SEC24D: variants seen among roughly 807,000 people sequenced by gnomAD.
The protein encoded by SEC24D is protein transport protein Sec24D.
A neutral mutation model predicts 116.9 loss-of-function variants in SEC24D; 69 were observed. That is an observed-to-expected ratio of 0.59 (90% confidence interval 0.49 to 0.72). SEC24D has a LOEUF of 0.72. Ranked by LOEUF, SEC24D falls within the 30% of genes least tolerant of loss-of-function variation. The pLI, the probability that SEC24D is intolerant of heterozygous loss-of-function variation, is 0.00. For synonymous variants in SEC24D, 405 were observed against 442.8 expected (o/e 0.91, Z 1.07); for missense variants, 1,131 against 1,264.1 (o/e 0.89, Z 1.60).
In SEC24D at chr4:118,739,235, T is replaced by C. The variant is rs1348596950; in HGVS notation, c.2291A>G (p.Asn764Ser). The C allele has an allele frequency of 6.2e-7, 1 of 1,613,584 alleles. No homozygotes were observed. The highest frequency in any genetic ancestry group is 2.2e-5 in the East Asian group (1 of 44,874). ...ISGQRRLRIH[N>S]LGLNCSSQLA... ...CTGAGAGCTGCAGTTTAAGCCAAGA[T>C]TGTGAATCCGAAGTCTTCTTTGACC... Residue 764 changes from asparagine (N) to serine (S), a missense_variant, in exon 18 of 23, where the codon AAT (asparagine) becomes AGT (serine). Transcript: ENST00000280551.
chr4:118,816,499 C>T (rs1470358839), intron 4 of SEC24D, among the ~76,000 whole-genome samples: 6 of 152,110 alleles, frequency 3.9e-5, no homozygotes, highest in Non-Finnish European at 7.4e-5. Flanking sequence ...AAGAGAAGGG[C>T]CACCAACATG....
chr4:118,810,573 T>C (rs555721167), intron 6 of SEC24D, among the ~76,000 whole-genome samples: 1 of 152,198 alleles, frequency 6.6e-6, no homozygotes, highest in Non-Finnish European at 1.5e-5. Context: ...GAGTGGTGCT[T>C]TGCACACTTT....
rs563146285 is a variant in SEC24D, at chr4:118,724,224, G to C, written c.2959-569C>G. 7.2e-5 allele frequency among the ~76,000 whole-genome samples: 11 copies of C among 152,242 alleles called. No individual in the cohort carries two copies. In the East Asian group the frequency reaches 1.9e-3, roughly 27 times the overall value. On this transcript the variant is annotated intron_variant, in intron 22 of 22. Transcript: ENST00000280551. ...TGGGAGATGATCAGGTTCTGAATTAGAGCAGTGGAGGTGGAAAGGGGGTAG... is the reference window on the plus strand; with the variant it reads ...TGGGAGATGATCAGGTTCTGAATTACAGCAGTGGAGGTGGAAAGGGGGTAG...
intron 19 of SEC24D, among the ~76,000 whole-genome samples, chr4:118,737,488 G>C (rs749775718): frequency 2.0e-5 from 3 of 152,118 alleles, no homozygotes; most frequent in Admixed American, 2.0e-4. Context: ...TTTACTTTTA[G>C]GTGGGGCTTC....
intron 8 of SEC24D, among the ~76,000 whole-genome samples, chr4:118,788,847 C>G (rs146252148): frequency 6.6e-6 from 1 of 152,264 alleles, no homozygotes; most frequent in East Asian, 1.9e-4. Flanking sequence ...ACAAATCAAC[C>G]ACCATTCTGT....
At chr4:118,751,176 C>CTTTTTTTT (rs1185148886) in intron 13 of SEC24D, among the ~76,000 whole-genome samples, 25 of 100,330 alleles carry the variant, frequency 2.5e-4, no homozygotes, top group South Asian at 7.9e-4. Flanking sequence ...AGAGTGAGGG[C>CTTTTTTTT]TTTTTTTTTT....
intron 9 of SEC24D, 99 bp from the exon 10 acceptor site, chr4:118,765,016 T>TCTGGAAAAATGTATTTTAAAG (rs1727575088): frequency 1.0e-5 from 7 of 688,738 alleles, no homozygotes; most frequent in Non-Finnish European, 1.5e-5. Flanking sequence ...GGAGTTAGTA[T>TCTGGAAAAATGTATTTTAAAG]CTGGAAAAAT....
At chr4:118,765,046 T>C (rs975948252) in intron 9 of SEC24D, 129 bp from the exon 10 acceptor site, 1 of 604,032 alleles carries the variant, frequency 1.7e-6, no homozygotes, top group Non-Finnish European at 2.9e-6. Flanking sequence ...AGCTGGAATG[T>C]AGTATACCGT....
intron 9 of SEC24D, among the ~76,000 whole-genome samples, chr4:118,765,742 T>G (rs1727611561): frequency 6.6e-6 from 1 of 152,146 alleles, no homozygotes; most frequent in Admixed American, 6.6e-5. Flanking sequence ...GCTTCTTGTT[T>G]TTAAGCCAAC....
At chr4:118,794,155 T>C (rs1729072176) in intron 8 of SEC24D, among the ~76,000 whole-genome samples, 1 of 152,208 alleles carries the variant, frequency 6.6e-6, no homozygotes, top group African/African-American at 2.4e-5. Flanking sequence ...ATGTATAAAA[T>C]GCGTATATGC....
Position 118,783,069 on chromosome 4 carries a change from C to T in SEC24D, c.1041+14614G>A, listed in dbSNP as rs1015716208. Among the ~76,000 whole-genome samples, 3 of 152,308 alleles carry T rather than the reference C, an allele frequency of 2.0e-5. No individual in the cohort carries two copies. The East Asian group carries it at 5.8e-4, about 29-fold the overall frequency. ...GACCCCTTGGGCTTCCCGGGTGAGG[C>T]GACGCCCCGCCCTGCTTTGGCTCAC... On this transcript the variant is annotated intron_variant, in intron 8 of 22. Coordinates refer to ENST00000280551, the MANE Select transcript of SEC24D (RefSeq NM_014822.4).
At position 118,744,183 on chromosome 4, in the gene SEC24D, G is replaced by A. The variant is rs1258195801; in HGVS notation, c.1825-25C>T. 3.3e-6 allele frequency: 5 copies of A among 1,492,944 alleles called. No homozygotes were observed. In the East Asian group the frequency reaches 7.4e-5, roughly 22 times the overall value. 92.5% of individuals were successfully genotyped at this position (1,492,944 alleles called of 1,614,324 possible). On this transcript the variant is annotated intron_variant, in intron 14 of 22. Coordinates refer to ENST00000280551, the MANE Select transcript of SEC24D (RefSeq NM_014822.4). Reference sequence around the variant, plus strand: ...TCTGGAAAAAAGATGCAAAAAAAAAGAAAAAATAAAAATTACAAAATGTTT... The same window carrying A: ...TCTGGAAAAAAGATGCAAAAAAAAAAAAAAAATAAAAATTACAAAATGTTT...
At chr4:118,834,453 A>G (rs1418197208) in intron 1 of SEC24D, among the ~76,000 whole-genome samples, 1 of 152,246 alleles carries the variant, frequency 6.6e-6, no homozygotes, top group Non-Finnish European at 1.5e-5. Context: ...GTGTAGGCAC[A>G]CACATCACAA....
intron 8 of SEC24D, among the ~76,000 whole-genome samples, chr4:118,792,700 A>T (rs888996350): frequency 6.6e-6 from 1 of 152,140 alleles, no homozygotes; most frequent in African/African-American, 2.4e-5. Flanking sequence ...CAGCATACTC[A>T]TTAAGAGTCA....
chr4:118,808,438 G>A (rs1336933716), intron 6 of SEC24D, among the ~76,000 whole-genome samples: 1 of 152,056 alleles, frequency 6.6e-6, no homozygotes, highest in Non-Finnish European at 1.5e-5. Flanking sequence ...TTATCCATTT[G>A]CAATTTACAA....
intron 8 of SEC24D, among the ~76,000 whole-genome samples, chr4:118,790,208 C>T (rs1433939982): frequency 6.6e-6 from 1 of 152,144 alleles, no homozygotes; most frequent in South Asian, 2.1e-4. Flanking sequence ...AAGGAAATTA[C>T]TTTGACTACT....
rs1730524211 is a variant in SEC24D, at chr4:118,824,670, G to C, written c.198C>G (p.Pro66=). The part of the protein sequence containing the change: ...MLPPGPPPPG[P]HQFGQNGAHA... ...GAGCTCCATTCTGACCAAACTGATG[G>C]GGTCCAGGAGGTGGGGGACCCGGAG... is the stretch of plus-strand genomic sequence containing the variant. Residue 66 remains proline, a synonymous_variant, in exon 3 of 23, where the codon CCC becomes CCG. Transcript: ENST00000280551. 7.5e-6 allele frequency: 12 copies of C among 1,608,422 alleles called. No individual in the cohort carries two copies. The highest frequency in any genetic ancestry group is 9.3e-6 in the Non-Finnish European group (11 of 1,177,918).
At chr4:118,752,158 C>T (rs1726872419) in intron 12 of SEC24D, 69 bp from the exon 13 acceptor site, 1 of 1,021,550 alleles carries the variant, frequency 9.8e-7, no homozygotes, top group African/African-American at 1.6e-5. Context: ...AGCAATAAAT[C>T]ACTAACATTT....
In SEC24D at chr4:118,752,009, A is replaced by C; in HGVS notation, c.1694T>G (p.Met565Arg). ...TVFAPVIQAG[M>R]EALKAADCPG... is the part of the protein sequence containing the mutation. ...GCTTCTTCTCACCTTTAGTGCTTCCATGCCAGCCTGGATGACAGGAGCAAA... is the reference window on the plus strand; with the variant it reads ...GCTTCTTCTCACCTTTAGTGCTTCCCTGCCAGCCTGGATGACAGGAGCAAA... Residue 565 changes from methionine (M) to arginine (R), a missense_variant, in exon 13 of 23, where the codon ATG (methionine) becomes AGG (arginine). Met to Arg is a moderately conservative substitution (Grantham distance 91). Transcript: ENST00000280551. 1 of 1,611,798 alleles carries C rather than the reference A, an allele frequency of 6.2e-7. No individual in the cohort carries two copies.
Sources: gnomAD v4.1 joint callset for allele counts (sites outside exome capture counted in the v4.1 genomes callset) on GRCh38, gnomAD v4.1.1 for gene constraint, MANE v1.5 for transcripts, NCBI Gene and HGNC (gene_info 2026-07-23, HGNC 2026-07-21) for gene names.